Variants in KDM1B observed in about 807,000 individuals in gnomAD.
The protein encoded by KDM1B is lysine demethylase 1B, also known as lysine-specific histone demethylase 2.
KDM1B carries 63 observed loss-of-function variants against 107.4 expected under a neutral mutation model. The observed-to-expected ratio is 0.59, with a 90% CI of 0.48 to 0.72. The LOEUF (loss-of-function observed/expected upper bound fraction) is 0.72. KDM1B is among the 30% of genes least tolerant of loss of function. KDM1B has a pLI of 0.00. For missense variants in KDM1B, 749 were observed against 1,020.8 expected (o/e 0.73, Z 3.63); for synonymous variants, 363 against 363.9 (o/e 1.00, Z 0.03).
intron 21 of KDM1B, among the ~76,000 whole-genome samples, chr6:18,218,450 A>G (rs144384878): frequency 2.9e-4 from 44 of 152,270 alleles, no homozygotes; most frequent in Non-Finnish European, 6.3e-4. Context: ...ATTTAACATT[A>G]GACAGACATT....
At chr6:18,194,376 C>T (rs979270471) in intron 10 of KDM1B, among the ~76,000 whole-genome samples, 1 of 152,008 alleles carries the variant, frequency 6.6e-6, no homozygotes, top group African/African-American at 2.4e-5. Context: ...TTTCTGTGGT[C>T]AGTAGGATCA....
chr6:18,165,208 A>G (rs1191944641), intron 5 of KDM1B, among the ~76,000 whole-genome samples: 1 of 127,186 alleles, frequency 7.9e-6, no homozygotes, highest in Non-Finnish European at 1.5e-5. Flanking sequence ...ATCTCGGCTC[A>G]CTGCAAGCTC....
At chr6:18,202,607 G>A in intron 14 of KDM1B, among the ~76,000 whole-genome samples, 1 of 152,128 alleles carries the variant, frequency 6.6e-6, no homozygotes, top group East Asian at 1.9e-4. Flanking sequence ...AGTTCTTGGA[G>A]GCATGTTGGA....
chr6:18,208,242 C>T (rs370135046), intron 17 of KDM1B, 36 bp downstream of exon 17: 26 of 1,484,282 alleles, frequency 1.8e-5, no homozygotes, highest in Non-Finnish European at 2.3e-5. Flanking sequence ...GGGTAGAAAC[C>T]TTTGCTGCCA....
At chr6:18,190,436 C>CAAA (rs59766756) in intron 9 of KDM1B, among the ~76,000 whole-genome samples, 2 of 107,388 alleles carry the variant, frequency 1.9e-5, no homozygotes, top group South Asian at 2.7e-4. Flanking sequence ...ACTAAAAATA[C>CAAA]AAAAAAAAAA....
In KDM1B at chr6:18,198,652, A is replaced by C. The variant is rs12202827; in HGVS notation, c.1221+991A>C. Among the ~76,000 whole-genome samples the C allele has an allele frequency of 4.9e-3, 695 of 143,130 alleles. 15 individuals are homozygous for C. Among genetic ancestry groups the C allele is most frequent in the African/African-American group, 0.017 (658 of 38,286 alleles). 93.9% of individuals were successfully genotyped at this position (143,130 alleles called of 152,430 possible). A position where few individuals can be genotyped will look rare whatever the true frequency, so the allele number is the denominator to read the frequency against. On this transcript the variant is annotated intron_variant, in intron 12 of 21. Transcript: ENST00000650836. Reference sequence around the variant, plus strand: ...GACTCCATCTCAAAAAAAAAAAAAAAAAAAACAAAACGCCCTTTGAATCTC... The same window carrying C: ...GACTCCATCTCAAAAAAAAAAAAAACAAAAACAAAACGCCCTTTGAATCTC...
rs752471477 is a variant in KDM1B at position 18,223,567 on chromosome 6, T to C, written c.*1575T>C. The C allele has an allele frequency of 1.3e-5, 2 of 152,166 alleles. No homozygotes were observed. Among genetic ancestry groups the C allele is most frequent in the Non-Finnish European group, 2.9e-5 (2 of 68,024 alleles). The allele number at this position is 152,166 out of a possible 1,614,324, so 9.4% of individuals were successfully genotyped here. On this transcript the variant is annotated 3_prime_UTR_variant, in exon 22 of 22. Coordinates refer to ENST00000650836, the MANE Select transcript of KDM1B (RefSeq NM_001364614.2). ...GTTTGAAATGGTTAACAGTAAATTATTATGTTAGTTTCCAGGCACTTGAAC... is the reference window on the plus strand; with the variant it reads ...GTTTGAAATGGTTAACAGTAAATTACTATGTTAGTTTCCAGGCACTTGAAC...
Position 18,161,598 on chromosome 6 carries a change from A to G in KDM1B, c.215+144A>G. The G allele has an allele frequency of 4.6e-6, 4 of 876,800 alleles. No individual in the cohort carries two copies. The South Asian group carries it at 5.2e-5, about 11-fold the overall frequency. The allele number at this position is 876,800 out of a possible 1,614,324, so 54.3% of individuals were successfully genotyped here. Reference sequence around the variant, plus strand: ...CTAATAATAGAGACATTGCCCAGACATTCTGTACACACCACACCCTCCTCA... The same window carrying G: ...CTAATAATAGAGACATTGCCCAGACGTTCTGTACACACCACACCCTCCTCA... On this transcript the variant is annotated intron_variant, in intron 4 of 21. Coordinates refer to ENST00000650836, the MANE Select transcript of KDM1B (RefSeq NM_001364614.2).
chr6:18,195,985 G>A (rs957328489), intron 10 of KDM1B, among the ~76,000 whole-genome samples: 6 of 151,744 alleles, frequency 4.0e-5, no homozygotes, highest in South Asian at 2.1e-4. Flanking sequence ...ACATCTCCCC[G>A]CTATTCCCCC....
In KDM1B at chr6:18,197,102, G is replaced by C; in HGVS notation, c.1015G>C (p.Gly339Arg). The change falls in exon 11 of 22, where the codon GGT becomes CGT. Residue 339 changes from glycine (G) to arginine (R), a missense_variant. Transcript: ENST00000650836. The surrounding 1 kb of genome is among the most constrained non-coding windows in gnomAD (Gnocchi z 4.5). Reference protein sequence around the residue: ...QKCIPHIIVRGLVRIRCVQEV... With the variant: ...QKCIPHIIVRRLVRIRCVQEV... The stretch of plus-strand genomic sequence containing the variant: ...ATGTATTCCTCACATCATCGTCCGG[G>C]GTCTCGTGCGTATTCGATGCGTTCA... The C allele has an allele frequency of 6.2e-7, 1 of 1,613,880 alleles. No homozygotes were observed. Among genetic ancestry groups the C allele is most frequent in the Non-Finnish European group, 8.5e-7 (1 of 1,179,870 alleles).
chr6:18,194,717 T>TC (rs575541224), intron 10 of KDM1B, among the ~76,000 whole-genome samples: 28 of 152,074 alleles, frequency 1.8e-4, no homozygotes, highest in African/African-American at 6.5e-4. Flanking sequence ...CAGGCTGGTC[T>TC]CCAAGTTTTG....
At chr6:18,180,053 T>A (rs1473551550) in intron 7 of KDM1B, among the ~76,000 whole-genome samples, 2 of 149,328 alleles carry the variant, frequency 1.3e-5, no homozygotes, top group Non-Finnish European at 3.0e-5. Context: ...TTTTTTTTTT[T>A]AATAGAGACG....
At chr6:18,206,245 G>A (rs1788363569) in intron 15 of KDM1B, among the ~76,000 whole-genome samples, 2 of 151,822 alleles carry the variant, frequency 1.3e-5, no homozygotes, top group Admixed American at 1.3e-4. Context: ...GCTGGGTGCA[G>A]TGGCTCCCTT....
chr6:18,193,249 A>ATAAATATAT (rs751101897), intron 10 of KDM1B, among the ~76,000 whole-genome samples: 7 of 150,232 alleles, frequency 4.7e-5, no homozygotes, highest in Non-Finnish European at 8.9e-5. Flanking sequence ...GTGGGAAAAC[A>ATAAATATAT]TAAATATATT....
At position 18,191,110 on chromosome 6, in the gene KDM1B, T is replaced by C; in HGVS notation, c.785-87T>C. On this transcript the variant is annotated intron_variant, in intron 9 of 21. Transcript: ENST00000650836. The surrounding 1 kb of genome is among the most constrained non-coding windows in gnomAD (Gnocchi z 5.1). Reference sequence around the variant, plus strand: ...GGTAGAGAGTGGAGCTTGTCTAGGCTTACTTTTTGGTTTGCTTTTGCCCTT... The same window carrying C: ...GGTAGAGAGTGGAGCTTGTCTAGGCCTACTTTTTGGTTTGCTTTTGCCCTT... The C allele has an allele frequency of 8.5e-7, 1 of 1,180,558 alleles. No individual in the cohort carries two copies. Among genetic ancestry groups the C allele is most frequent in the Non-Finnish European group, 1.2e-6 (1 of 833,158 alleles). The allele number at this position is 1,180,558 out of a possible 1,614,324, so 73.1% of individuals were successfully genotyped here. A position where few individuals can be genotyped will look rare whatever the true frequency, so the allele number is the denominator to read the frequency against.
intron 7 of KDM1B, among the ~76,000 whole-genome samples, chr6:18,176,374 G>T (rs973303941): frequency 4.6e-5 from 7 of 151,972 alleles, no homozygotes; most frequent in African/African-American, 1.7e-4. Flanking sequence ...TAGGATTTTC[G>T]GGGTAAACGA....
At chr6:18,192,619 A>G (rs1787352264) in intron 10 of KDM1B, among the ~76,000 whole-genome samples, 1 of 151,986 alleles carries the variant, frequency 6.6e-6, no homozygotes, top group Non-Finnish European at 1.5e-5. Context: ...TCCTATAAGT[A>G]AATTATAAAG....
chr6:18,185,671 C>T lies in KDM1B; in HGVS notation c.535-101C>T, dbSNP rs573087668. ...GTTTCATAAAAATGCTTTTCTTTGC[C>T]AGCCTGATAGGTGAAAAGAGATATC... On this transcript the variant is annotated intron_variant, in intron 7 of 21. Transcript: ENST00000650836. 95 of 1,070,604 alleles carry T rather than the reference C, an allele frequency of 8.9e-5. No homozygotes were observed. In the African/African-American group the frequency reaches 1.1e-3, roughly 13 times the overall value. The allele number at this position is 1,070,604 out of a possible 1,614,324, so 66.3% of individuals were successfully genotyped here.
In KDM1B at chr6:18,212,886, C is replaced by T. The variant is rs1276011495; in HGVS notation, c.1983+282C>T. Among the ~76,000 whole-genome samples, 3 of 151,962 alleles carry T rather than the reference C, an allele frequency of 2.0e-5. No individual in the cohort carries two copies. Among genetic ancestry groups the T allele is most frequent in the African/African-American group, 7.2e-5 (3 of 41,414 alleles). On this transcript the variant is annotated intron_variant, in intron 18 of 21. Transcript: ENST00000650836. The surrounding 1 kb of genome is among the most constrained non-coding windows in gnomAD (Gnocchi z 5.2). ...ATTCTTTTATCCCCTTTTTTCCCCCCTTCTGCTTTCTTTCTTGTCTGCTTT... is the reference window on the plus strand; with the variant it reads ...ATTCTTTTATCCCCTTTTTTCCCCCTTTCTGCTTTCTTTCTTGTCTGCTTT...
Sources: allele counts gnomAD v4.1 joint callset (sites outside exome capture counted in the v4.1 genomes callset), GRCh38; gene constraint gnomAD v4.1.1; non-coding constraint Gnocchi (gnomAD v3.1); transcripts MANE v1.5; gene names NCBI Gene and HGNC (gene_info 2026-07-23, HGNC 2026-07-21).